Variants in KCND2 observed in about 807,000 individuals in gnomAD.
The protein encoded by KCND2 is A-type voltage-gated potassium channel KCND2.
In KCND2, 16 loss-of-function variants were observed where a neutral mutation model predicts 54.4. The observed-to-expected ratio is 0.29, with a 90% CI of 0.20 to 0.45. KCND2 has a LOEUF of 0.45. KCND2 is among the 20% of genes least tolerant of loss of function. The pLI, the probability that KCND2 is intolerant of heterozygous loss-of-function variation, is 1.00. For missense variants in KCND2, 486 were observed against 824.2 expected (o/e 0.59, Z 5.02); for synonymous variants, 317 against 310.7 (o/e 1.02, Z -0.21).
At position 120,677,558 on chromosome 7, in the gene KCND2, T is replaced by TATAGATATAGATATAGATAG. The variant is rs1554384992; in HGVS notation, c.1116-55342_1116-55341insGATATAGATATAGATAGATA. 5.5e-3 allele frequency among the ~76,000 whole-genome samples: 789 copies of TATAGATATAGATATAGATAG among 143,854 alleles called. 5 individuals are homozygous for TATAGATATAGATATAGATAG. Among genetic ancestry groups the TATAGATATAGATATAGATAG allele is most frequent in the African/African-American group, 0.019 (710 of 36,774 alleles). The allele number at this position is 143,854 out of a possible 152,430, so 94.4% of individuals were successfully genotyped here. Reference sequence around the variant, plus strand: ...ATAGATATAGATATAGATATATAGATATATAGATATATAGATATATAGATA... The same window carrying TATAGATATAGATATAGATAG: ...ATAGATATAGATATAGATATATAGATATAGATATAGATATAGATAGATATAGATATATAGATATATAGATA... On this transcript the variant is annotated intron_variant, in intron 1 of 5. Coordinates refer to ENST00000331113, the MANE Select transcript of KCND2 (RefSeq NM_012281.3).
At chr7:120,641,548 T>C (rs1793375738) in intron 1 of KCND2, among the ~76,000 whole-genome samples, 1 of 152,180 alleles carries the variant, frequency 6.6e-6, no homozygotes, top group Non-Finnish European at 1.5e-5. Context: ...CCACCTGGGC[T>C]TGGAGAAGCA....
chr7:120,415,552 G>A lies in KCND2; in HGVS notation c.1115+139805G>A, dbSNP rs143624579. 1.4e-3 allele frequency among the ~76,000 whole-genome samples: 216 copies of A among 152,054 alleles called. 1 individual carries two copies. The highest frequency in any genetic ancestry group is 5.1e-3 in the African/African-American group (213 of 41,474). On this transcript the variant is annotated intron_variant, in intron 1 of 5. Transcript: ENST00000331113. Reference sequence around the variant, plus strand: ...ATTTTTGTTCTGCTCCTACCTCTCTGCACCCATTTTAACAAGGCCTTTGCT... The same window carrying A: ...ATTTTTGTTCTGCTCCTACCTCTCTACACCCATTTTAACAAGGCCTTTGCT...
At chr7:120,461,558 G>C (rs1319660182) in intron 1 of KCND2, among the ~76,000 whole-genome samples, 3 of 151,958 alleles carry the variant, frequency 2.0e-5, no homozygotes, top group Non-Finnish European at 4.4e-5. Context: ...TTTTCACCAT[G>C]TGTATGATTT....
rs7779055 is a variant in KCND2, at chr7:120,446,445, A to G, written c.1115+170698A>G. On this transcript the variant is annotated intron_variant, in intron 1 of 5. Transcript: ENST00000331113. ...TCTTACCTGCCATGTTAATCTCTCC[A>G]TTTGAATCTACTTGAATTATTCTCT... Among the ~76,000 whole-genome samples, 1,378 of 152,210 alleles carry G rather than the reference A, an allele frequency of 9.1e-3. 16 individuals carry two copies. Among genetic ancestry groups the G allele is most frequent in the African/African-American group, 0.03 (1,258 of 41,540 alleles).
At chr7:120,320,354 T>C (rs1289691352) in intron 1 of KCND2, among the ~76,000 whole-genome samples, 2 of 152,096 alleles carry the variant, frequency 1.3e-5, no homozygotes, top group Non-Finnish European at 1.5e-5. Flanking sequence ...CCTACCATTG[T>C]CTAAGATTGG....
intron 1 of KCND2, among the ~76,000 whole-genome samples, chr7:120,713,135 A>C (rs2116074638): frequency 6.6e-6 from 1 of 152,246 alleles, no homozygotes. Context: ...TTTCCATATA[A>C]GGTTCTTAGC....
chr7:120,452,648 G>A (rs1802131210), intron 1 of KCND2, among the ~76,000 whole-genome samples: 1 of 152,046 alleles, frequency 6.6e-6, no homozygotes, highest in African/African-American at 2.4e-5. Context: ...CTGGAATCTG[G>A]GCAGCAAGAA....
intron 1 of KCND2, among the ~76,000 whole-genome samples, chr7:120,344,080 G>T (rs1488885487): frequency 1.3e-5 from 2 of 152,128 alleles, no homozygotes; most frequent in African/African-American, 4.8e-5. Context: ...GTTCAAAATT[G>T]TTAAGAAAGG....
At chr7:120,558,550 G>C (rs968137129) in intron 1 of KCND2, among the ~76,000 whole-genome samples, 1 of 152,062 alleles carries the variant, frequency 6.6e-6, no homozygotes, top group African/African-American at 2.4e-5. Flanking sequence ...GAACTAAATG[G>C]GATCTGTAGG....
intron 1 of KCND2, among the ~76,000 whole-genome samples, chr7:120,341,256 G>T (rs911148571): frequency 6.6e-6 from 1 of 152,170 alleles, no homozygotes; most frequent in African/African-American, 2.4e-5. Flanking sequence ...CCAAGATAGT[G>T]GAGAGTACAT....
chr7:120,680,139 C>T (rs982741099), intron 1 of KCND2, among the ~76,000 whole-genome samples: 1 of 152,070 alleles, frequency 6.6e-6, no homozygotes, highest in Non-Finnish European at 1.5e-5. Context: ...TCACCATCTA[C>T]CAGAAATTTT....
chr7:120,711,387 A>G (rs554736805), intron 1 of KCND2, among the ~76,000 whole-genome samples: 1 of 152,314 alleles, frequency 6.6e-6, no homozygotes, highest in Non-Finnish European at 1.5e-5. Context: ...TCAACATTGT[A>G]TTTGCAATGA....
intron 1 of KCND2, among the ~76,000 whole-genome samples, chr7:120,380,500 A>G (rs1315103219): frequency 6.6e-6 from 1 of 152,082 alleles, no homozygotes; most frequent in East Asian, 1.9e-4. Context: ...AGTAAGAAAA[A>G]TAAAAGACAA....
At chr7:120,510,277 T>C (rs1415912987) in intron 1 of KCND2, among the ~76,000 whole-genome samples, 4 of 152,114 alleles carry the variant, frequency 2.6e-5, no homozygotes, top group Admixed American at 2.6e-4. Flanking sequence ...CTTCTTGGCA[T>C]TGACACTACT....
chr7:120,416,079 C>T (rs1801519826), intron 1 of KCND2, among the ~76,000 whole-genome samples: 2 of 152,218 alleles, frequency 1.3e-5, no homozygotes, highest in East Asian at 3.8e-4. Context: ...TCTATCTTCT[C>T]TTGCCAACAT....
chr7:120,422,717 G>A lies in KCND2; in HGVS notation c.1115+146970G>A, dbSNP rs556208060. 2.0e-5 allele frequency among the ~76,000 whole-genome samples: 3 copies of A among 152,262 alleles called. No individual in the cohort carries two copies. The South Asian group carries it at 6.2e-4, about 32-fold the overall frequency. On this transcript the variant is annotated intron_variant, in intron 1 of 5. Transcript: ENST00000331113. ...CTTTCTCTGGGCTTTCTCACCCACA[G>A]CCCAGGCAGTGTGGTTATTCCACTG...
chr7:120,317,341 A>G (rs1799827552), intron 1 of KCND2, among the ~76,000 whole-genome samples: 1 of 152,200 alleles, frequency 6.6e-6, no homozygotes. Context: ...TAATTTTTGT[A>G]TTAATATTTC....
chr7:120,692,213 G>A (rs1006307336), intron 1 of KCND2, among the ~76,000 whole-genome samples: 2 of 152,124 alleles, frequency 1.3e-5, no homozygotes, highest in Non-Finnish European at 2.9e-5. Context: ...TTGGTGATGG[G>A]CAGTGAGAAG....
At chr7:120,305,949 T>C (rs1427156157) in intron 1 of KCND2, among the ~76,000 whole-genome samples, 1 of 152,186 alleles carries the variant, frequency 6.6e-6, no homozygotes, top group Non-Finnish European at 1.5e-5. Context: ...TTGGCAAGTT[T>C]CCTAACATCT....
Sources: allele counts gnomAD v4.1 joint callset (sites outside exome capture counted in the v4.1 genomes callset), GRCh38; gene constraint gnomAD v4.1.1; transcripts MANE v1.5; gene names NCBI Gene and HGNC (gene_info 2026-07-23, HGNC 2026-07-21).